Variants in XKR9 observed in about 807,000 individuals in gnomAD.
XKR9 encodes the protein XK related 9, also known as XK-related protein 9.
A neutral mutation model predicts 32.0 loss-of-function variants in XKR9; 32 were observed. The ratio of observed to expected loss-of-function variants is 1.00; its 90% CI spans 0.76 to 1.34. The LOEUF (loss-of-function observed/expected upper bound fraction) is 1.34, where lower values mean the gene tolerates loss of function less well. Among genes scored for constraint, XKR9 ranks in the 40% most tolerant of loss-of-function variants. The pLI is 0.00. For synonymous variants in XKR9, 168 were observed against 143.4 expected (o/e 1.17, Z -1.22); for missense variants, 546 against 429.7 (o/e 1.27, Z -2.39).
intron 3 of XKR9, among the ~76,000 whole-genome samples, chr8:70,695,065 A>G (rs1366215229): frequency 2.0e-5 from 3 of 149,798 alleles, no homozygotes; most frequent in Non-Finnish European, 4.4e-5. Context: ...CCACTTCACT[A>G]GGTTGGGGAG....
At chr8:70,797,873 A>G in the XKR9 span, among the ~76,000 whole-genome samples, 1 of 152,150 alleles carries the variant, frequency 6.6e-6, no homozygotes, top group Non-Finnish European at 1.5e-5. Flanking sequence ...GTTGGTTCAA[A>G]GGATATGATT....
chr8:70,679,725 T>C (rs1819010534), intron 2 of XKR9, among the ~76,000 whole-genome samples: 1 of 152,192 alleles, frequency 6.6e-6, no homozygotes, highest in Admixed American at 6.5e-5. Flanking sequence ...CACCACTGAG[T>C]CAGACAAATC....
At chr8:70,878,673 C>G in the XKR9 span, among the ~76,000 whole-genome samples, 1 of 152,176 alleles carries the variant, frequency 6.6e-6, no homozygotes, top group Admixed American at 6.5e-5. Flanking sequence ...TAGAGACCTA[C>G]AAAGAGGCTT....
intron 2 of XKR9, among the ~76,000 whole-genome samples, chr8:70,778,609 C>T (rs1025600549): frequency 1.3e-5 from 2 of 152,058 alleles, no homozygotes; most frequent in Non-Finnish European, 2.9e-5. Context: ...TTGTTTGTGT[C>T]CTCTTTTATT....
chr8:70,904,660 A>G, the XKR9 span, among the ~76,000 whole-genome samples: 1 of 152,134 alleles, frequency 6.6e-6, no homozygotes, highest in Non-Finnish European at 1.5e-5. Context: ...TGATCCTGTC[A>G]TTATGATGTT....
At position 70,676,191 on chromosome 8, in the gene XKR9, G is replaced by T. The variant is rs370733418; in HGVS notation, c.-279+1292G>T. ...GAGCAGGAGCAAAAAAGAGAGTAGT[G>T]GGGGAGATGCAATGCTTTACAACAA... On this transcript the variant is annotated intron_variant, in intron 2 of 4. Transcript: ENST00000408926. Among the ~76,000 whole-genome samples the T allele has an allele frequency of 1.2e-3, 176 of 152,208 alleles. 4 individuals are homozygous for T. The South Asian group carries it at 0.035, about 30-fold the overall frequency.
the XKR9 span, among the ~76,000 whole-genome samples, chr8:70,934,303 C>T: frequency 2.1e-4 from 32 of 152,074 alleles, no homozygotes; most frequent in Non-Finnish European, 4.0e-4. Context: ...CTCTCTATGA[C>T]ACTTAGGGGG....
At chr8:70,996,386 T>G in the XKR9 span, among the ~76,000 whole-genome samples, 1 of 152,204 alleles carries the variant, frequency 6.6e-6, no homozygotes, top group African/African-American at 2.4e-5. Flanking sequence ...TTTCTAGGTT[T>G]CAGGTGTGAA....
chr8:70,751,765 C>A (rs1353457925), intron 2 of XKR9, among the ~76,000 whole-genome samples: 1 of 152,116 alleles, frequency 6.6e-6, no homozygotes, highest in Non-Finnish European at 1.5e-5. Context: ...CTCTGTCACC[C>A]CATATTCTGA....
Position 70,733,820 on chromosome 8 carries a change from G to A in XKR9, c.518G>A (p.Cys173Tyr). ...SQYAAIMVSC[C>Y]AISWSTVDYQ... ...GATGCGGCCATCATGGTCTCTTGCT[G>A]TGCTATTTCTTGGTCAACTGTTGAT... The change falls in exon 5 of 5, where the codon TGT becomes TAT. Residue 173 changes from cysteine (C) to tyrosine (Y), a missense_variant. Cys to Tyr is a radical substitution (Grantham distance 194, BLOSUM62 -2). Coordinates refer to ENST00000408926, the MANE Select transcript of XKR9 (RefSeq NM_001011720.2). 2 of 1,586,006 alleles carry A rather than the reference G, an allele frequency of 1.3e-6. No individual in the cohort carries two copies. The highest frequency in any genetic ancestry group is 8.5e-7 in the Non-Finnish European group (1 of 1,170,902).
intron 4 of XKR9, among the ~76,000 whole-genome samples, chr8:70,712,336 G>A (rs1805946811): frequency 2.0e-5 from 3 of 151,914 alleles, no homozygotes; most frequent in African/African-American, 7.3e-5. Context: ...GATAAAACAG[G>A]CCAAAATATG....
intron 2 of XKR9, among the ~76,000 whole-genome samples, chr8:70,784,746 T>C (rs960501767): frequency 6.6e-6 from 1 of 152,152 alleles, no homozygotes; most frequent in Admixed American, 6.5e-5. Flanking sequence ...TGAATAGAAA[T>C]GGTAAGAATA....
the XKR9 span, among the ~76,000 whole-genome samples, chr8:70,996,390 G>T: frequency 1.8e-4 from 28 of 152,250 alleles, no homozygotes; most frequent in African/African-American, 6.7e-4. Flanking sequence ...TAGGTTTCAG[G>T]TGTGAAATGA....
chr8:70,823,651 TG>T, the XKR9 span, among the ~76,000 whole-genome samples: 1 of 152,194 alleles, frequency 6.6e-6, no homozygotes, highest in Non-Finnish European at 1.5e-5. Flanking sequence ...AAGAGAAAAT[TG>T]CTATTGTAAA....
chr8:70,944,221 A>G, the XKR9 span, among the ~76,000 whole-genome samples: 6 of 152,146 alleles, frequency 3.9e-5, no homozygotes, highest in African/African-American at 1.4e-4. Flanking sequence ...CTATTTTGTA[A>G]GTGTTAAAAA....
At chr8:70,935,504 A>C in the XKR9 span, among the ~76,000 whole-genome samples, 2 of 151,958 alleles carry the variant, frequency 1.3e-5, no homozygotes, top group Non-Finnish European at 2.9e-5. Flanking sequence ...ACAGTATATG[A>C]GAGTGTATTT....
the XKR9 span, among the ~76,000 whole-genome samples, chr8:70,896,567 T>C: frequency 0.084 from 12,700 of 151,770 alleles, 606 homozygotes; most frequent in African/African-American, 0.098. Context: ...TTTTTCTTGG[T>C]CAGTCTGTCT....
At chr8:70,819,890 G>A in the XKR9 span, among the ~76,000 whole-genome samples, 1 of 152,192 alleles carries the variant, frequency 6.6e-6, no homozygotes, top group Non-Finnish European at 1.5e-5. Flanking sequence ...AGTCTTTTAA[G>A]TGAATTTTAA....
intron 4 of XKR9, among the ~76,000 whole-genome samples, chr8:70,727,351 C>A: frequency 6.8e-6 from 1 of 147,056 alleles, no homozygotes; most frequent in Non-Finnish European, 1.5e-5. Flanking sequence ...TTCAGGACCT[C>A]AGAGTTTTAT....
Sources: allele counts gnomAD v4.1 joint callset (sites outside exome capture counted in the v4.1 genomes callset), GRCh38; gene constraint gnomAD v4.1.1; transcripts MANE v1.5; gene names NCBI Gene and HGNC (gene_info 2026-07-23, HGNC 2026-07-21).